Variants in WDR20 observed in about 807,000 individuals in gnomAD.
The protein encoded by WDR20 is WD repeat-containing protein 20.
A neutral mutation model predicts 38.7 loss-of-function variants in WDR20; 3 were observed. The observed-to-expected ratio is 0.08, with a 90% CI of 0.04 to 0.20. WDR20 has a LOEUF of 0.20. Among genes scored for constraint, WDR20 ranks in the 10% least tolerant of loss-of-function variants. WDR20 has a pLI of 1.00. For missense variants in WDR20, 559 were observed against 727.7 expected (o/e 0.77, Z 2.67); for synonymous variants, 298 against 285.6 (o/e 1.04, Z -0.44).
chr14:102,168,802 C>T (rs1157959592), intron 1 of WDR20, among the ~76,000 whole-genome samples: 1 of 152,066 alleles, frequency 6.6e-6, no homozygotes, highest in Middle Eastern at 3.2e-3. Context: ...AGAATCTGAA[C>T]ACTTCTGCTT....
intron 1 of WDR20, among the ~76,000 whole-genome samples, chr14:102,184,365 G>A (rs187380994): frequency 6.6e-6 from 1 of 152,330 alleles, no homozygotes; most frequent in African/African-American, 2.4e-5. Flanking sequence ...TCTTTAAGAA[G>A]CTACTCTGAA....
At chr14:102,204,637 C>T (rs79778931) in intron 2 of WDR20, among the ~76,000 whole-genome samples, 6,584 of 152,220 alleles carry the variant, frequency 0.043, 175 homozygotes, top group Middle Eastern at 0.065. Context: ...GATAATATGG[C>T]GACAATCCCT....
rs1233679287 is a variant in WDR20, at chr14:102,161,142, A to ATTT, written c.249+20994_249+20996dup. Among the ~76,000 whole-genome samples the ATTT allele has an allele frequency of 2.2e-3, 35 of 16,056 alleles. 6 individuals are homozygous for ATTT. Among genetic ancestry groups the ATTT allele is most frequent in the South Asian group, 7.6e-3 (2 of 264 alleles). The allele number at this position is 16,056 out of a possible 152,430, so 10.5% of individuals were successfully genotyped here. A position where few individuals can be genotyped will look rare whatever the true frequency, so the allele number is the denominator to read the frequency against. Reference sequence around the variant, plus strand: ...ACTGCATATATATATATATATATATATTTTTTTTTTTTTTTTTTTTTTTTT... The same window carrying ATTT: ...ACTGCATATATATATATATATATATATTTTTTTTTTTTTTTTTTTTTTTTTTTT... On this transcript the variant is annotated intron_variant, in intron 1 of 2. Transcript: ENST00000342702.
downstream of WDR20, among the ~76,000 whole-genome samples, chr14:102,212,345 A>G (rs1014904475): frequency 2.0e-5 from 3 of 152,210 alleles, no homozygotes; most frequent in South Asian, 4.1e-4. Flanking sequence ...GCCCTCCCCA[A>G]GGCCCCTCTT....
At chr14:102,169,147 C>T (rs1003644990) in intron 1 of WDR20, among the ~76,000 whole-genome samples, 8 of 152,158 alleles carry the variant, frequency 5.3e-5, no homozygotes, top group East Asian at 3.9e-4. Flanking sequence ...CCGTCCCACC[C>T]GTGGAGCCAA....
chr14:102,203,511 C>G (rs2060896492), intron 2 of WDR20, among the ~76,000 whole-genome samples: 1 of 152,144 alleles, frequency 6.6e-6, no homozygotes, highest in Non-Finnish European at 1.5e-5. Context: ...ACTTCACAGC[C>G]ACAGCCTGAG....
At chr14:102,214,923 A>G (rs117657241), downstream of WDR20, 21,187 of 984,964 alleles carry the variant, frequency 0.022, 273 homozygotes, top group Non-Finnish European at 0.024. Flanking sequence ...AACAAGACTT[A>G]CTACATACTT....
Position 102,202,645 on chromosome 14 carries a change from A to G in WDR20, c.433-5958A>G, listed in dbSNP as rs561403485. The stretch of plus-strand genomic sequence containing the variant: ...TCCGCCCGCCTTGGCCTCCCAAAGT[A>G]CTGGGATTACAGGTGTGAGCCACTG... On this transcript the variant is annotated intron_variant, in intron 2 of 2. Coordinates refer to ENST00000342702, the MANE Select transcript of WDR20 (RefSeq NM_144574.4). Among the ~76,000 whole-genome samples the G allele has an allele frequency of 4.4e-4, 67 of 151,892 alleles. 1 individual carries two copies. The highest frequency in any genetic ancestry group is 2.3e-3 in the East Asian group (12 of 5,156).
rs557608914 is a variant in WDR20 at position 102,220,675 on chromosome 14, G to C, written c.1693-2155G>C. Among the ~76,000 whole-genome samples the C allele has an allele frequency of 6.8e-6, 1 of 147,834 alleles. No homozygotes were observed. The highest frequency in any genetic ancestry group is 2.5e-5 in the African/African-American group (1 of 39,722). ...GTGGAGCTTGCAGTGAGCCAAGATC[G>C]TGCCACTGCACTCCAGCCTGGACAA... On this transcript the variant is annotated intron_variant, in intron 3 of 3. Transcript: ENST00000335263. The surrounding 1 kb of genome is among the most constrained non-coding windows in gnomAD (Gnocchi z 4.2).
intron 1 of WDR20, among the ~76,000 whole-genome samples, chr14:102,156,383 T>G (rs1210591127): frequency 4.0e-5 from 6 of 150,838 alleles, no homozygotes; most frequent in African/African-American, 1.5e-4. Context: ...TTAGCCAGGA[T>G]GGTCTCGATC....
At chr14:102,224,706 T>G (rs1327491716), downstream of WDR20, 7 of 455,848 alleles carry the variant, frequency 1.5e-5, no homozygotes, top group East Asian at 2.8e-4. Flanking sequence ...GAGGAGACAT[T>G]AGTTACAGCT....
At chr14:102,224,143 G>C (rs35051837), downstream of WDR20, among the ~76,000 whole-genome samples, 1 of 148,750 alleles carries the variant, frequency 6.7e-6, no homozygotes, top group Non-Finnish European at 1.5e-5. Context: ...CCGGGTTCAC[G>C]CCATTCTCCC....
At chr14:102,146,759 T>C (rs2053795187) in intron 1 of WDR20, among the ~76,000 whole-genome samples, 1 of 152,192 alleles carries the variant, frequency 6.6e-6, no homozygotes. Context: ...ATTTTACTGC[T>C]TCAGAGAGGG....
In WDR20 at chr14:102,208,637, A is replaced by G. The variant is rs1417189567; in HGVS notation, c.467A>G (p.Lys156Arg). 4 of 1,611,766 alleles carry G rather than the reference A, an allele frequency of 2.5e-6. No homozygotes were observed. The East Asian group carries it at 8.9e-5, about 36-fold the overall frequency. The change falls in exon 3 of 3, where the codon AAA becomes AGA. Residue 156 changes from lysine (K) to arginine (R), a missense_variant. Physicochemically the swap from Lys to Arg is conservative, Grantham distance 26. Transcript: ENST00000342702. The surrounding 1 kb of genome is among the most constrained non-coding windows in gnomAD (Gnocchi z 5.6). The stretch of plus-strand genomic sequence containing the variant: ...GACAAGTCACGAGTTACCTGTGTCA[A>G]ATGGGTTCCCGGTTCGGAAAGCCTT... The part of the protein sequence containing the change: ...LIDKSRVTCV[K>R]WVPGSESLFL...
chr14:102,182,065 T>G (rs2063494867), intron 1 of WDR20, among the ~76,000 whole-genome samples: 1 of 152,200 alleles, frequency 6.6e-6, no homozygotes, highest in South Asian at 2.1e-4. Flanking sequence ...TCTTCTGGAT[T>G]AAGGGTAGTG....
chr14:102,219,488 G>A (rs971344159), downstream of WDR20, among the ~76,000 whole-genome samples: 1 of 152,248 alleles, frequency 6.6e-6, no homozygotes, highest in Non-Finnish European at 1.5e-5. Flanking sequence ...GCTTGTGCCT[G>A]CAGGACTGTC....
intron 1 of WDR20, among the ~76,000 whole-genome samples, chr14:102,188,872 C>CAAAAAAAAAA (rs34508888): frequency 1.0e-5 from 1 of 97,544 alleles, no homozygotes; most frequent in Non-Finnish European, 2.0e-5. Context: ...GACCCTGTTT[C>CAAAAAAAAAA]AAAAAAAAAA....
intron 1 of WDR20, among the ~76,000 whole-genome samples, chr14:102,164,849 A>G (rs2059443708): frequency 6.6e-6 from 1 of 152,198 alleles, no homozygotes; most frequent in Non-Finnish European, 1.5e-5. Flanking sequence ...ATCAGAAGTC[A>G]TATTTCCTTT....
intron 2 of WDR20, among the ~76,000 whole-genome samples, chr14:102,197,517 C>T (rs1308634574): frequency 6.6e-6 from 1 of 152,144 alleles, no homozygotes; most frequent in Non-Finnish European, 1.5e-5. Context: ...GTAAGGAAGG[C>T]CTTCAAAGCT....
Sources: allele counts gnomAD v4.1 joint callset (sites outside exome capture counted in the v4.1 genomes callset), GRCh38; gene constraint gnomAD v4.1.1; non-coding constraint Gnocchi (gnomAD v3.1); transcripts MANE v1.5; gene names NCBI Gene and HGNC (gene_info 2026-07-23, HGNC 2026-07-21).